The following CPLX2 variants were observed in gnomAD, a reference collection of about 807,000 sequenced individuals.
CPLX2 encodes the protein complexin-2.
CPLX2 carries 5 observed loss-of-function variants against 16.3 expected under a neutral mutation model. That is an observed-to-expected ratio of 0.31 (90% CI 0.16 to 0.64). The LOEUF (loss-of-function observed/expected upper bound fraction) is 0.64, where lower values mean the gene tolerates loss of function less well. CPLX2 is among the 30% of genes least tolerant of loss of function. CPLX2 has a pLI of 0.79. For missense variants in CPLX2, 144 were observed against 181.4 expected (o/e 0.79, Z 1.18); for synonymous variants, 89 against 73.2 (o/e 1.22, Z -1.10).
chr5:175,807,848 G>A (rs890317709), intron 1 of CPLX2, among the ~76,000 whole-genome samples: 6 of 152,200 alleles, frequency 3.9e-5, no homozygotes, highest in Admixed American at 6.5e-5. Flanking sequence ...GTGTTAGGAG[G>A]TAACGGTGCC....
chr5:175,859,227 C>T (rs1374499890), intron 2 of CPLX2, among the ~76,000 whole-genome samples: 2 of 152,212 alleles, frequency 1.3e-5, no homozygotes, highest in African/African-American at 4.8e-5. Context: ...AATCAGGAGG[C>T]GTAGCCAGGG....
chr5:175,829,832 G>C (rs527746532), intron 2 of CPLX2, among the ~76,000 whole-genome samples: 1 of 152,314 alleles, frequency 6.6e-6, no homozygotes, highest in East Asian at 1.9e-4. Context: ...CTCAGGCAGT[G>C]CCTGCCCAGG....
chr5:175,837,182 G>A (rs13158114), intron 2 of CPLX2, among the ~76,000 whole-genome samples: 16,819 of 152,220 alleles, frequency 0.11, 1,273 homozygotes, highest in Middle Eastern at 0.21. Context: ...GGGCTAGGAA[G>A]GGAAATTCAG....
At chr5:175,843,983 T>C (rs562607690) in intron 2 of CPLX2, among the ~76,000 whole-genome samples, 31 of 152,366 alleles carry the variant, frequency 2.0e-4, no homozygotes, top group African/African-American at 7.0e-4. Flanking sequence ...ATTTGGGGCC[T>C]TGCCCATGTG....
chr5:175,801,824 C>T (rs748904805), intron 1 of CPLX2, among the ~76,000 whole-genome samples: 6 of 152,192 alleles, frequency 3.9e-5, no homozygotes, highest in East Asian at 1.9e-4. Flanking sequence ...GAGCCCGGCT[C>T]GGGGCCTCGA....
Position 175,881,086 on chromosome 5 carries a change from G to T in CPLX2, c.*1041G>T, listed in dbSNP as rs139306139. 4 of 153,106 alleles carry T rather than the reference G, an allele frequency of 2.6e-5. No homozygotes were observed. The highest frequency in any genetic ancestry group is 9.6e-5 in the African/African-American group (4 of 41,472). The allele number at this position is 153,106 out of a possible 1,614,324, so 9.5% of individuals were successfully genotyped here. A position where few individuals can be genotyped will look rare whatever the true frequency, so the allele number is the denominator to read the frequency against. On this transcript the variant is annotated 3_prime_UTR_variant, in exon 4 of 4. Coordinates refer to ENST00000393745, the MANE Select transcript of CPLX2 (RefSeq NM_001008220.2). ...CCAAGGACAAACTCTCCTCTGGGACGTCTGGGACTGGCATTTGTCCCCCAC... is the reference window on the plus strand; with the variant it reads ...CCAAGGACAAACTCTCCTCTGGGACTTCTGGGACTGGCATTTGTCCCCCAC...
In CPLX2 at chr5:175,879,856, G is replaced by A; in HGVS notation, c.216G>A (p.Leu72=). ...GCCCTCCCCCTCCCCAGTATGGGCT[G>A]AAGAAGAAGGAGGAGAAGGAAGCAG... ...VRQQIRDKYG[L]KKKEEKEAEE... Residue 72 remains leucine (L), a synonymous_variant, in exon 4 of 4, where the codon CTG becomes CTA. Coordinates refer to ENST00000393745, the MANE Select transcript of CPLX2 (RefSeq NM_001008220.2). 3 of 1,611,308 alleles carry A rather than the reference G, an allele frequency of 1.9e-6. No homozygotes were observed. In the South Asian group the frequency reaches 3.3e-5, roughly 18 times the overall value.
intron 2 of CPLX2, among the ~76,000 whole-genome samples, chr5:175,851,792 G>C (rs117247804): frequency 1.3e-5 from 2 of 152,330 alleles, no homozygotes; most frequent in East Asian, 3.9e-4. Flanking sequence ...AGCTCCCAGG[G>C]ACTAGGTTCC....
intron 2 of CPLX2, among the ~76,000 whole-genome samples, chr5:175,843,401 C>G (rs1224959812): frequency 6.6e-6 from 1 of 152,256 alleles, no homozygotes; most frequent in Admixed American, 6.5e-5. Flanking sequence ...CACACACACA[C>G]AGCGCTGTGC....
chr5:175,802,555 G>A (rs79166730), intron 1 of CPLX2, among the ~76,000 whole-genome samples: 1 of 152,180 alleles, frequency 6.6e-6, no homozygotes, highest in Non-Finnish European at 1.5e-5. Context: ...GGCAAGCAGG[G>A]TCTTGCAGTT....
In CPLX2 at chr5:175,878,643, C is replaced by T; in HGVS notation, c.-88-9C>T. The stretch of plus-strand genomic sequence containing the variant: ...CCTCTCCCATCTGACTCCCAATTCT[C>T]TTCTGCAGGTTGTCACATCTTCCCA... On this transcript the variant is annotated splice_polypyrimidine_tract_variant and intron_variant, in intron 1 of 3. Transcript: ENST00000393745. 7.0e-7 allele frequency: 1 copy of T among 1,427,130 alleles called. No individual in the cohort carries two copies. The highest frequency in any genetic ancestry group is 1.2e-5 in the South Asian group (1 of 81,082). The allele number at this position is 1,427,130 out of a possible 1,614,324, so 88.4% of individuals were successfully genotyped here.
intron 2 of CPLX2, among the ~76,000 whole-genome samples, chr5:175,829,101 A>G (rs1309871965): frequency 6.6e-6 from 1 of 152,224 alleles, no homozygotes; most frequent in Non-Finnish European, 1.5e-5. Flanking sequence ...CGTCAGGTGA[A>G]GGGCAGCCAC....
At chr5:175,879,681 A>C (rs1755521402) in intron 3 of CPLX2, 167 bp from the exon 4 acceptor site, 1 of 723,630 alleles carries the variant, frequency 1.4e-6, no homozygotes, top group East Asian at 2.7e-5. Context: ...ACTGAGGACC[A>C]GGCACCATCC....
At position 175,815,032 on chromosome 5, in the gene CPLX2, T is replaced by C. The variant is rs183199302; in HGVS notation, c.-89+5964T>C. Among the ~76,000 whole-genome samples, 5 of 152,328 alleles carry C rather than the reference T, an allele frequency of 3.3e-5. No homozygotes were observed. The East Asian group carries it at 5.8e-4, about 18-fold the overall frequency. ...CACCAGAAGGAGGAGGAGTGGATTC[T>C]GGGCAGCTCAAACCAGCAAATGTCT... On this transcript the variant is annotated intron_variant, in intron 2 of 4. Coordinates refer to the CPLX2 transcript ENST00000359546.
At chr5:175,817,375 G>A (rs1056664545) in intron 2 of CPLX2, among the ~76,000 whole-genome samples, 3 of 152,146 alleles carry the variant, frequency 2.0e-5, no homozygotes, top group Non-Finnish European at 4.4e-5. Context: ...GAACAACTGC[G>A]CATAGTCTCT....
chr5:175,841,558 T>C (rs778256528), intron 2 of CPLX2, among the ~76,000 whole-genome samples: 1 of 152,196 alleles, frequency 6.6e-6, no homozygotes, highest in African/African-American at 2.4e-5. Context: ...GCAAGAACCC[T>C]ATGTCTGAGA....
rs1755671052 is a variant in CPLX2 at position 175,883,401 on chromosome 5, G to GT, written c.*3357dup. 1 of 152,300 alleles carries GT rather than the reference G, an allele frequency of 6.6e-6. No individual in the cohort carries two copies. The highest frequency in any genetic ancestry group is 2.4e-5 in the African/African-American group (1 of 41,452). 9.4% of individuals were successfully genotyped at this position (152,300 alleles called of 1,614,324 possible). A position where few individuals can be genotyped will look rare whatever the true frequency, so the allele number is the denominator to read the frequency against. ...AGTCGAGACACCATCCCAGGTGTGT[G>GT]TAAGAGAGAGAGAGAGAACAGGGAG... On this transcript the variant is annotated 3_prime_UTR_variant, in exon 4 of 4. Transcript: ENST00000393745.
intron 2 of CPLX2, among the ~76,000 whole-genome samples, chr5:175,861,243 T>C (rs1350608744): frequency 6.6e-6 from 1 of 152,118 alleles, no homozygotes; most frequent in Non-Finnish European, 1.5e-5. Flanking sequence ...TTGGGCTTGA[T>C]GTTGGGGATT....
intron 2 of CPLX2, among the ~76,000 whole-genome samples, chr5:175,839,263 TTTTG>T (rs1158160156): frequency 2.6e-3 from 382 of 148,514 alleles, no homozygotes; most frequent in African/African-American, 9.4e-3. Context: ...TTCCATGAAT[TTTTG>T]TTTTTTTGTT....
Sources: gnomAD v4.1 joint callset for allele counts (sites outside exome capture counted in the v4.1 genomes callset) on GRCh38, gnomAD v4.1.1 for gene constraint, MANE v1.5 for transcripts, NCBI Gene and HGNC (gene_info 2026-07-23, HGNC 2026-07-21) for gene names.